The following XPO4 variants were observed in gnomAD, a reference collection of about 807,000 sequenced individuals.
XPO4 encodes the protein exportin 4.
Under a neutral mutation model 143.0 loss-of-function variants are expected in XPO4, and 39 were observed. That is an observed-to-expected ratio of 0.27 (90% CI 0.21 to 0.36). The LOEUF (loss-of-function observed/expected upper bound fraction) is 0.36, where lower values mean the gene tolerates loss of function less well. Ranked by LOEUF, XPO4 falls within the 10% of genes least tolerant of loss-of-function variation. The probability of loss-of-function intolerance (pLI) is 1.00; values close to 1 mark genes in which losing one functional copy is unlikely to be tolerated. For missense variants in XPO4, 907 were observed against 1,348.0 expected (o/e 0.67, Z 5.12); for synonymous variants, 439 against 474.0 (o/e 0.93, Z 0.96).
At chr13:20,879,804 A>G (rs2060388985) in intron 1 of XPO4, among the ~76,000 whole-genome samples, 1 of 152,196 alleles carries the variant, frequency 6.6e-6, no homozygotes, top group Admixed American at 6.5e-5. Context: ...AAAATACTAT[A>G]AATCATTTAC....
At chr13:20,853,196 G>A (rs1437977560) in intron 4 of XPO4, 1 of 253,780 alleles carries the variant, frequency 3.9e-6, no homozygotes, top group Non-Finnish European at 6.2e-6. Context: ...AGCCAGGAGT[G>A]GTGGCTTGTG....
intron 19 of XPO4, among the ~76,000 whole-genome samples, 168 bp downstream of exon 19, chr13:20,790,294 A>G (rs1456177281): frequency 6.6e-6 from 1 of 152,228 alleles, no homozygotes; most frequent in Non-Finnish European, 1.5e-5. Context: ...GGCCCATGTT[A>G]CTGAGAAGCA....
At chr13:20,856,735 G>T in intron 3 of XPO4, 2 of 666,788 alleles carry the variant, frequency 3.0e-6, no homozygotes, top group Non-Finnish European at 3.7e-6. Flanking sequence ...CTTGACTTCT[G>T]CCCTTCCACA....
At position 20,809,117 on chromosome 13, in the gene XPO4, T is replaced by C; in HGVS notation, c.1459A>G (p.Ile487Val). 6.2e-7 allele frequency: 1 copy of C among 1,614,062 alleles called. No homozygotes were observed. Among genetic ancestry groups the C allele is most frequent in the Non-Finnish European group, 8.5e-7 (1 of 1,179,930 alleles). ...AGAGGTATACAGTGTTCTGCAGCAATTCTTCCTAGCATTCCTACACTGGCC... is the reference window on the plus strand; with the variant it reads ...AGAGGTATACAGTGTTCTGCAGCAACTCTTCCTAGCATTCCTACACTGGCC... ...QLASVGMLGRIAAEHCIPLLT... is the reference protein window; with the variant it reads ...QLASVGMLGRVAAEHCIPLLT... The change falls in exon 11 of 23, where the codon ATT becomes GTT. Residue 487 changes from isoleucine to valine, a missense_variant. Coordinates refer to ENST00000255305, the MANE Select transcript of XPO4 (RefSeq NM_022459.5).
At position 20,842,932 on chromosome 13, in the gene XPO4, G is replaced by A. The variant is rs1426346995; in HGVS notation, c.690C>T (p.Ala230=). ...SSVFQRYLAL[A]NQVLSWNFLP... Reference sequence around the variant, plus strand: ...GAAAGTTCCAGCTCAAGACTTGATTGGCGAGTGCAAGGTAACGCTGAAATA... The same window carrying A: ...GAAAGTTCCAGCTCAAGACTTGATTAGCGAGTGCAAGGTAACGCTGAAATA... Residue 230 remains alanine (A), a synonymous_variant, in exon 6 of 23, where the codon GCC becomes GCT. Transcript: ENST00000255305. 6.2e-6 allele frequency: 10 copies of A among 1,612,398 alleles called. No homozygotes were observed. Among genetic ancestry groups the A allele is most frequent in the Non-Finnish European group, 8.5e-6 (10 of 1,178,860 alleles).
Position 20,783,623 on chromosome 13 carries a change from G to T in XPO4, c.*99C>A. ...TTTCAGGCTCTCCAAAATCCAAAATGGCCAAATGAACTGAGGAATAGGACA... is the reference window on the plus strand; with the variant it reads ...TTTCAGGCTCTCCAAAATCCAAAATTGCCAAATGAACTGAGGAATAGGACA... On this transcript the variant is annotated 3_prime_UTR_variant, in exon 23 of 23. Transcript: ENST00000255305. The T allele has an allele frequency of 7.6e-7, 1 of 1,321,900 alleles. No individual in the cohort carries two copies. The highest frequency in any genetic ancestry group is 1.1e-6 in the Non-Finnish European group (1 of 932,250). The allele number at this position is 1,321,900 out of a possible 1,614,324, so 81.9% of individuals were successfully genotyped here. A position where few individuals can be genotyped will look rare whatever the true frequency, so the allele number is the denominator to read the frequency against.
chr13:20,849,151 A>G (rs2060059084), intron 4 of XPO4: 2 of 985,460 alleles, frequency 2.0e-6, no homozygotes, highest in Non-Finnish European at 2.4e-6. Context: ...ATTGTCTCTT[A>G]TAATAGCCTG....
chr13:20,839,133 G>A (rs61369773), intron 6 of XPO4, among the ~76,000 whole-genome samples: 3,872 of 152,184 alleles, frequency 0.025, 170 homozygotes, highest in African/African-American at 0.088. Flanking sequence ...GCGTAGTGGT[G>A]TGTGCCTATA....
chr13:20,805,397 C>T (rs928634223), intron 13 of XPO4, among the ~76,000 whole-genome samples: 3 of 152,202 alleles, frequency 2.0e-5, no homozygotes, highest in Admixed American at 6.5e-5. Context: ...CTCTATTTTC[C>T]TAACTCCATC....
chr13:20,836,736 C>G (rs971007605), intron 6 of XPO4, among the ~76,000 whole-genome samples: 6 of 152,208 alleles, frequency 3.9e-5, no homozygotes, highest in African/African-American at 1.4e-4. Context: ...TTAGCATATT[C>G]ACAGATGTGT....
chr13:20,895,618 C>A (rs1044206034), intron 1 of XPO4, among the ~76,000 whole-genome samples: 1 of 126,868 alleles, frequency 7.9e-6, no homozygotes, highest in Admixed American at 9.0e-5. Flanking sequence ...GGTGACAGAG[C>A]AAGACTCTGT....
At chr13:20,801,101 C>A in intron 13 of XPO4, 111 bp from the exon 14 acceptor site, 1 of 1,224,674 alleles carries the variant, frequency 8.2e-7, no homozygotes, top group Non-Finnish European at 1.1e-6. Flanking sequence ...GGATTTAGGT[C>A]AGGCTATACT....
chr13:20,845,738 A>G (rs2060023216), intron 4 of XPO4, among the ~76,000 whole-genome samples: 1 of 152,234 alleles, frequency 6.6e-6, no homozygotes, highest in South Asian at 2.1e-4. Flanking sequence ...CATTTAAATA[A>G]CATGAGGATC....
chr13:20,781,819 A>G lies in XPO4; in HGVS notation c.*1903T>C, dbSNP rs2059147415. 6.6e-6 allele frequency: 1 copy of G among 152,208 alleles called. No homozygotes were observed. Among genetic ancestry groups the G allele is most frequent in the African/African-American group, 2.4e-5 (1 of 41,450 alleles). 9.4% of individuals were successfully genotyped at this position (152,208 alleles called of 1,614,324 possible). On this transcript the variant is annotated 3_prime_UTR_variant, in exon 23 of 23. Transcript: ENST00000255305. ...GCTGAGAAAGCTTGAGGGATCTGGG[A>G]AACACAAAACACCAAGAACAATGCA...
At chr13:20,892,121 GT>G (rs2060524268) in intron 1 of XPO4, among the ~76,000 whole-genome samples, 1 of 151,780 alleles carries the variant, frequency 6.6e-6, no homozygotes, top group Admixed American at 6.6e-5. Context: ...CAGTACAGTG[GT>G]GCAATCTCAC....
At chr13:20,792,406 C>T (rs2141495250) in intron 18 of XPO4, among the ~76,000 whole-genome samples, 2 of 152,062 alleles carry the variant, frequency 1.3e-5, no homozygotes, top group South Asian at 2.1e-4. Context: ...GCCTGGCCAA[C>T]ATAGTGAAAC....
intron 7 of XPO4, among the ~76,000 whole-genome samples, chr13:20,823,354 T>C (rs572815271): frequency 1.3e-5 from 2 of 152,346 alleles, no homozygotes; most frequent in East Asian, 3.9e-4. Context: ...TAATAAATCC[T>C]TGTTCACTGA....
chr13:20,783,329 A>G lies in XPO4; in HGVS notation c.*393T>C, dbSNP rs529346647. The G allele has an allele frequency of 5.2e-6, 1 of 192,502 alleles. No homozygotes were observed. The highest frequency in any genetic ancestry group is 1.1e-4 in the South Asian group (1 of 9,404). The allele number at this position is 192,502 out of a possible 1,614,324, so 11.9% of individuals were successfully genotyped here. Reference sequence around the variant, plus strand: ...AGGCGATCTATGGAGATTTTGAGAAACACTGCCTAGCATATATCCATTTCA... The same window carrying G: ...AGGCGATCTATGGAGATTTTGAGAAGCACTGCCTAGCATATATCCATTTCA... On this transcript the variant is annotated 3_prime_UTR_variant, in exon 23 of 23. Coordinates refer to ENST00000255305, the MANE Select transcript of XPO4 (RefSeq NM_022459.5).
chr13:20,869,631 T>C (rs1342292313), intron 1 of XPO4: 3 of 768,196 alleles, frequency 3.9e-6, no homozygotes, highest in Admixed American at 6.3e-5. Flanking sequence ...TATGCAACAT[T>C]AGTCACTAAT....
Sources: allele counts gnomAD v4.1 joint callset (sites outside exome capture counted in the v4.1 genomes callset), GRCh38; gene constraint gnomAD v4.1.1; transcripts MANE v1.5; gene names NCBI Gene and HGNC (gene_info 2026-07-23, HGNC 2026-07-21).